Variants in CES4A observed in about 807,000 individuals in gnomAD.
CES4A encodes carboxylesterase 6.
In CES4A, 48 loss-of-function variants were observed where a neutral mutation model predicts 65.4. That is an observed-to-expected ratio of 0.73 (90% CI 0.58 to 0.93). The LOEUF (loss-of-function observed/expected upper bound fraction) is 0.93, where lower values mean the gene tolerates loss of function less well. Among genes scored for constraint, CES4A ranks in the 40% least tolerant of loss-of-function variants. CES4A has a pLI of 0.00. For synonymous variants in CES4A, 247 were observed against 281.8 expected, an observed-to-expected ratio of 0.88 and a Z score of 1.24; for missense variants, 685 against 728.5, an observed-to-expected ratio of 0.94 and a Z score of 0.69.
At chr16:67,005,296 T>C in exon 11 of CES4A, 5 of 1,614,052 alleles carry the variant, frequency 3.1e-6, no homozygotes, top group Non-Finnish European at 4.2e-6. Flanking sequence ...ACAATGTCAA[T>C]GAGCATGACT....
rs1278125022 is a variant in CES4A, at chr16:67,003,696, A to G, written c.939+143A>G. Reference sequence around the variant, plus strand: ...CCAGTGGGGAAGGAGAATAAACCCTATAAATAAATATATTATCCACCTCCT... The same window carrying G: ...CCAGTGGGGAAGGAGAATAAACCCTGTAAATAAATATATTATCCACCTCCT... On this transcript the variant is annotated intron_variant, in intron 8 of 13. Coordinates refer to ENST00000648724, the Ensembl canonical transcript of CES4A. This position sits in a 1 kb window ranked among gnomAD's most constrained non-coding sequence, Gnocchi z 4.2. 2 of 698,062 alleles carry G rather than the reference A, an allele frequency of 2.9e-6. No homozygotes were observed. Among genetic ancestry groups the G allele is most frequent in the African/African-American group, 1.8e-5 (1 of 55,996 alleles). 43.2% of individuals were successfully genotyped at this position (698,062 alleles called of 1,614,324 possible).
intron 2 of CES4A, 190 bp downstream of exon 2, chr16:66,996,019 A>G (rs764075415): frequency 4.0e-5 from 28 of 701,774 alleles, no homozygotes; most frequent in South Asian, 3.9e-4. Flanking sequence ...ATCACTGACA[A>G]TGCTGCTGTT....
intron 5 of CES4A, among the ~76,000 whole-genome samples, chr16:67,002,447 G>C (rs1296742045): frequency 6.6e-6 from 1 of 152,200 alleles, no homozygotes; most frequent in Non-Finnish European, 1.5e-5. Context: ...AGATCATGGG[G>C]CTGGCTCTAA....
At chr16:67,008,836 ATT>A in intron 13 of CES4A, 136 bp from the exon 14 acceptor site, 1 of 833,788 alleles carries the variant, frequency 1.2e-6, no homozygotes, top group South Asian at 1.7e-5. Context: ...CCTACTCTTT[ATT>A]AAAGTTCTAA....
At chr16:66,998,864 CAA>C (rs1053466447) in intron 2 of CES4A, among the ~76,000 whole-genome samples, 5 of 127,144 alleles carry the variant, frequency 3.9e-5, no homozygotes, top group South Asian at 2.5e-4. Flanking sequence ...CCATCTCAAA[CAA>C]AAAAAAAAAA....
intron 1 of CES4A, among the ~76,000 whole-genome samples, chr16:66,993,915 C>T (rs1049005324): frequency 6.6e-6 from 1 of 151,642 alleles, no homozygotes; most frequent in Non-Finnish European, 1.5e-5. Flanking sequence ...TTCTGGCTAA[C>T]ATGGTGAAAC....
At position 67,004,884 on chromosome 16, in the gene CES4A, C is replaced by T; in HGVS notation, c.1161+11C>T. 6.5e-7 allele frequency: 1 copy of T among 1,534,204 alleles called. No individual in the cohort carries two copies. Among genetic ancestry groups the T allele is most frequent in the African/African-American group, 1.4e-5 (1 of 73,116 alleles). ...ACCCGCACCCTGTTGGTGAGGGACCCAGCTGGCAGGGGTGCTCAGTTCGGA... is the reference window on the plus strand; with the variant it reads ...ACCCGCACCCTGTTGGTGAGGGACCTAGCTGGCAGGGGTGCTCAGTTCGGA... On this transcript the variant is annotated intron_variant, in intron 10 of 13. Coordinates refer to ENST00000648724, the Ensembl canonical transcript of CES4A.
At chr16:66,990,670 G>A (rs945148561) in intron 1 of CES4A, among the ~76,000 whole-genome samples, 1 of 152,028 alleles carries the variant, frequency 6.6e-6, no homozygotes, top group African/African-American at 2.4e-5. Flanking sequence ...CTGCCTTCCA[G>A]CCTGGGCAAC....
chr16:67,006,443 A>G, exon 12 of CES4A: 1 of 1,536,606 alleles, frequency 6.5e-7, no homozygotes, highest in Non-Finnish European at 8.7e-7. Flanking sequence ...CTCGTGGAAT[A>G]ATCGTCAAAC....
rs1404436448 is a variant in CES4A at position 67,000,819 on chromosome 16, C to T, written c.403-38C>T. 1 of 1,554,486 alleles carries T rather than the reference C, an allele frequency of 6.4e-7. No homozygotes were observed. Among genetic ancestry groups the T allele is most frequent in the South Asian group, 1.2e-5 (1 of 84,592 alleles). ...TCCCGCGCCCGCGGTCCCACCGCCG[C>T]CCACCGCCCCGCTCAGATCCCGGCC... On this transcript the variant is annotated intron_variant, in intron 3 of 13. Coordinates refer to ENST00000648724, the Ensembl canonical transcript of CES4A. The surrounding 1 kb of genome is among the most constrained non-coding windows in gnomAD (Gnocchi z 4.2).
chr16:66,990,992 A>ACTTTTCTTTT (rs529820370), intron 1 of CES4A, among the ~76,000 whole-genome samples: 1 of 151,778 alleles, frequency 6.6e-6, no homozygotes, highest in Non-Finnish European at 1.5e-5. Context: ...AGGCATGTGA[A>ACTTTTCTTTT]CTTTTCTTTT....
intron 1 of CES4A, among the ~76,000 whole-genome samples, chr16:66,992,353 G>A (rs1317279105): frequency 1.3e-5 from 2 of 152,244 alleles, no homozygotes; most frequent in Non-Finnish European, 1.5e-5. Context: ...GACCTGTAGA[G>A]ACCTGGGGGC....
At chr16:66,996,147 C>T in intron 2 of CES4A, 1 of 460,792 alleles carries the variant, frequency 2.2e-6, no homozygotes, top group South Asian at 1.8e-5. Context: ...AAGCGAGTCT[C>T]CTGCCTCAGC....
At chr16:67,010,014 G>T (rs1270621441), downstream of CES4A, among the ~76,000 whole-genome samples, 1 of 151,306 alleles carries the variant, frequency 6.6e-6, no homozygotes, top group Non-Finnish European at 1.5e-5. Context: ...CTCTCCTGCA[G>T]CCCGTGTGTA....
At chr16:67,004,329 C>T (rs1965585849) in intron 9 of CES4A, 105 bp downstream of exon 9, 14 of 1,256,468 alleles carry the variant, frequency 1.1e-5, no homozygotes, top group Non-Finnish European at 1.5e-5. Context: ...AGGTCAGATG[C>T]CAGTAGCCCC....
chr16:67,000,668 C>A lies in CES4A; in HGVS notation c.291C>A (p.Ala97=). The change falls in exon 3 of 14, where the codon GCC becomes GCA. Residue 97 remains alanine (A), a synonymous_variant. Coordinates refer to ENST00000648724, the Ensembl canonical transcript of CES4A. The surrounding 1 kb of genome is among the most constrained non-coding windows in gnomAD (Gnocchi z 4.2). ...TGCAGGAGTCCTGGGGCCAGCTGGC[C>A]TCGATGTACGTCAGCACGCGGGAAC... 6.5e-7 allele frequency: 1 copy of A among 1,549,764 alleles called. No homozygotes were observed. The highest frequency in any genetic ancestry group is 8.7e-7 in the Non-Finnish European group (1 of 1,146,852).
chr16:67,006,047 C>A, intron 11 of CES4A: 1 of 228,566 alleles, frequency 4.4e-6, no homozygotes, highest in South Asian at 6.6e-5. Flanking sequence ...GGGGGGGGGG[C>A]TGGAAAATGC....
chr16:67,008,971 C>T lies in CES4A; in HGVS notation c.1518-3C>T. ...TAATCCTCTCTTTTTTATTTCTGGG[C>T]AGAAACCCCAATGATGGGAATCTGC... On this transcript the variant is annotated splice_polypyrimidine_tract_variant and splice_region_variant and intron_variant, in intron 13 of 13. Coordinates refer to ENST00000648724, the Ensembl canonical transcript of CES4A. The T allele has an allele frequency of 1.2e-6, 2 of 1,609,154 alleles. No homozygotes were observed. The highest frequency in any genetic ancestry group is 2.2e-5 in the East Asian group (1 of 44,862).
chr16:66,993,433 C>G (rs904256546), intron 1 of CES4A, among the ~76,000 whole-genome samples: 1 of 152,154 alleles, frequency 6.6e-6, no homozygotes, highest in Non-Finnish European at 1.5e-5. Flanking sequence ...ACCTCCGCCT[C>G]CCGGGTTCAA....
Sources: allele counts gnomAD v4.1 joint callset (sites outside exome capture counted in the v4.1 genomes callset), GRCh38; gene constraint gnomAD v4.1.1; non-coding constraint Gnocchi (gnomAD v3.1); transcripts MANE v1.5; gene names NCBI Gene and HGNC (gene_info 2026-07-23, HGNC 2026-07-21).